Variants in ASIC2 observed in about 807,000 individuals in gnomAD.
ASIC2 encodes the protein acid-sensing ion channel 2.
A neutral mutation model predicts 57.3 loss-of-function variants in ASIC2; 25 were observed. That is an observed-to-expected ratio of 0.44 (90% CI 0.32 to 0.61). The LOEUF (loss-of-function observed/expected upper bound fraction) is 0.61. Ranked by LOEUF, ASIC2 falls within the 20% of genes least tolerant of loss-of-function variation. The pLI is 0.06. For missense variants in ASIC2, 641 were observed against 738.1 expected (o/e 0.87, Z 1.52); for synonymous variants, 319 against 307.5 (o/e 1.04, Z -0.39).
At chr17:33,213,722 A>C (rs570982611) in intron 1 of ASIC2, among the ~76,000 whole-genome samples, 1 of 151,540 alleles carries the variant, frequency 6.6e-6, no homozygotes, top group Non-Finnish European at 1.5e-5. Flanking sequence ...CCTTCTTTCC[A>C]CCCAGGCTGG....
At chr17:34,150,156 T>C (rs2142143157) in intron 1 of ASIC2, among the ~76,000 whole-genome samples, 1 of 152,330 alleles carries the variant, frequency 6.6e-6, no homozygotes, top group Non-Finnish European at 1.5e-5. Flanking sequence ...AAATACTGCA[T>C]GATCTCACTT....
rs147386029 is a variant in ASIC2 at position 34,099,888 on chromosome 17, T to A, written c.555+56090A>T. On this transcript the variant is annotated intron_variant, in intron 1 of 9. Transcript: ENST00000359872. ...ACTGGAAGGTAGAATACATGGTATG[T>A]GTGACTGGCAGGTCATACAGGGGCC... Among the ~76,000 whole-genome samples, 27 of 152,316 alleles carry A rather than the reference T, an allele frequency of 1.8e-4. No homozygotes were observed. The East Asian group carries it at 4.8e-3, about 27-fold the overall frequency.
intron 1 of ASIC2, among the ~76,000 whole-genome samples, chr17:33,274,411 G>A (rs968438067): frequency 2.0e-5 from 3 of 152,200 alleles, no homozygotes; most frequent in African/African-American, 4.8e-5. Context: ...GTCTCCTAGC[G>A]TATAGTTCTC....
chr17:33,539,821 C>A (rs949103479), intron 1 of ASIC2, among the ~76,000 whole-genome samples: 1 of 152,128 alleles, frequency 6.6e-6, no homozygotes, highest in Non-Finnish European at 1.5e-5. Context: ...TGGGAGAGTG[C>A]AGGGAACAAC....
intron 2 of ASIC2, among the ~76,000 whole-genome samples, chr17:33,098,677 AGACGCTAT>A (rs1597576682): frequency 6.6e-6 from 1 of 152,358 alleles, no homozygotes; most frequent in East Asian, 1.9e-4. Context: ...AGTATTTTAA[AGACGCTAT>A]GACGTCCTGC....
rs548933031 is a variant in ASIC2 at position 34,017,859 on chromosome 17, G to T, written c.555+138119C>A. ...AGTTGGTTCATAAGATTTAGGAAAA[G>T]AAACCATCTCCTTGTATGTATCTTC... is the stretch of plus-strand genomic sequence containing the variant. On this transcript the variant is annotated intron_variant, in intron 1 of 9. Coordinates refer to the ASIC2 transcript ENST00000359872. Among the ~76,000 whole-genome samples, 3 of 152,362 alleles carry T rather than the reference G, an allele frequency of 2.0e-5. No homozygotes were observed. The East Asian group carries it at 5.8e-4, about 29-fold the overall frequency.
chr17:33,577,835 CTG>C (rs1338875799), intron 1 of ASIC2, among the ~76,000 whole-genome samples: 1 of 152,216 alleles, frequency 6.6e-6, no homozygotes, highest in Non-Finnish European at 1.5e-5. Context: ...TCCTACCCTT[CTG>C]CCTAGGGCCT....
rs868084856 is a variant in ASIC2 at position 33,642,219 on chromosome 17, C to G, written c.555+513759G>C. ...GGAGCAAAAGGACACCCCCCCCCCC[C>G]CCACACACAATGGTTATGGCTGCAC... On this transcript the variant is annotated intron_variant, in intron 1 of 9. Coordinates refer to the ASIC2 transcript ENST00000359872. 1.0e-4 allele frequency among the ~76,000 whole-genome samples: 14 copies of G among 140,298 alleles called. 1 individual carries two copies. The highest frequency in any genetic ancestry group is 2.4e-4 in the South Asian group (1 of 4,248). The allele number at this position is 140,298 out of a possible 152,430, so 92.0% of individuals were successfully genotyped here.
At chr17:33,143,286 T>C (rs1432838033) in intron 1 of ASIC2, among the ~76,000 whole-genome samples, 2 of 152,208 alleles carry the variant, frequency 1.3e-5, no homozygotes, top group Non-Finnish European at 2.9e-5. Context: ...TGAGGTGTGC[T>C]AAAGTCTTTT....
intron 1 of ASIC2, among the ~76,000 whole-genome samples, chr17:33,851,399 G>A (rs892849278): frequency 1.3e-5 from 2 of 152,284 alleles, no homozygotes; most frequent in South Asian, 2.1e-4. Flanking sequence ...ACTGACTGAC[G>A]TAAGTGCAGA....
intron 1 of ASIC2, among the ~76,000 whole-genome samples, chr17:33,865,044 A>G (rs868797215): frequency 8.5e-5 from 13 of 152,292 alleles, no homozygotes; most frequent in Middle Eastern, 3.4e-3. Context: ...GCAAAGTCCA[A>G]TTTTCAGGAT....
intron 1 of ASIC2, among the ~76,000 whole-genome samples, chr17:33,299,859 C>A (rs1393791867): frequency 6.6e-6 from 1 of 152,152 alleles, no homozygotes. Context: ...GAAGTGGGAG[C>A]TGGGTATAAA....
At chr17:33,811,460 A>G (rs988320114) in intron 1 of ASIC2, among the ~76,000 whole-genome samples, 1 of 152,176 alleles carries the variant, frequency 6.6e-6, no homozygotes, top group South Asian at 2.1e-4. Context: ...TTTTGCAGGC[A>G]TTGTTTCATT....
intron 1 of ASIC2, among the ~76,000 whole-genome samples, chr17:33,580,997 C>T (rs1284831661): frequency 6.6e-6 from 1 of 152,176 alleles, no homozygotes; most frequent in Non-Finnish European, 1.5e-5. Flanking sequence ...TCTCTAGGAT[C>T]TTTGAATAGG....
At chr17:34,083,792 A>T (rs139904581) in intron 1 of ASIC2, among the ~76,000 whole-genome samples, 3,858 of 152,222 alleles carry the variant, frequency 0.025, 79 homozygotes, top group Non-Finnish European at 0.035. Context: ...GCATTTTTTC[A>T]TGTGTGTTTT....
intron 1 of ASIC2, among the ~76,000 whole-genome samples, chr17:33,850,905 T>C (rs576420070): frequency 1.6e-4 from 25 of 151,912 alleles, no homozygotes; most frequent in Non-Finnish European, 2.2e-4. Flanking sequence ...GACTTGGCCG[T>C]CCCAGCCCAT....
At chr17:34,026,133 G>C (rs1240687697) in intron 1 of ASIC2, among the ~76,000 whole-genome samples, 2 of 152,208 alleles carry the variant, frequency 1.3e-5, no homozygotes, top group Non-Finnish European at 2.9e-5. Flanking sequence ...GCAATTATTG[G>C]ATTTGGAGTC....
intron 1 of ASIC2, among the ~76,000 whole-genome samples, chr17:33,298,896 C>T (rs1399458675): frequency 6.6e-6 from 1 of 152,148 alleles, no homozygotes; most frequent in Non-Finnish European, 1.5e-5. Context: ...TGTGAAGGAC[C>T]TCTTCAAGGA....
At chr17:33,912,910 C>T (rs1165704813) in intron 1 of ASIC2, among the ~76,000 whole-genome samples, 1 of 151,860 alleles carries the variant, frequency 6.6e-6, no homozygotes, top group Non-Finnish European at 1.5e-5. Flanking sequence ...ACCCAGGAGG[C>T]AGAGGTTGCA....
Sources: gnomAD v4.1 joint callset for allele counts (sites outside exome capture counted in the v4.1 genomes callset) on GRCh38, gnomAD v4.1.1 for gene constraint, MANE v1.5 for transcripts, NCBI Gene and HGNC (gene_info 2026-07-23, HGNC 2026-07-21) for gene names.